Variants in TRPS1 observed in about 807,000 individuals in gnomAD.
The protein encoded by TRPS1 is transcriptional repressor GATA binding 1, also known as zinc finger transcription factor Trps1.
Under a neutral mutation model 101.2 loss-of-function variants are expected in TRPS1, and 6 were observed. The observed-to-expected ratio is 0.06, with a 90% CI of 0.03 to 0.12. TRPS1 has a LOEUF of 0.12. Among genes scored for constraint, TRPS1 ranks in the 10% least tolerant of loss-of-function variants. The pLI is 1.00. For synonymous variants in TRPS1, 578 were observed against 589.8 expected, an observed-to-expected ratio of 0.98 and a Z score of 0.29; for missense variants, 1,363 against 1,567.0, an observed-to-expected ratio of 0.87 and a Z score of 2.20.
intron 5 of TRPS1, among the ~76,000 whole-genome samples, chr8:115,564,240 TC>T (rs1817014180): frequency 1.3e-5 from 2 of 152,144 alleles, no homozygotes; most frequent in Admixed American, 1.3e-4. Flanking sequence ...AACTATGCTT[TC>T]TTGACTCAAT....
chr8:115,607,031 C>T (rs187864122), intron 3 of TRPS1, among the ~76,000 whole-genome samples: 1 of 152,124 alleles, frequency 6.6e-6, no homozygotes, highest in Admixed American at 6.5e-5. Flanking sequence ...TTATAAAATG[C>T]TTTGAACTTC....
intron 2 of TRPS1, among the ~76,000 whole-genome samples, chr8:115,623,234 A>G (rs1818435621): frequency 6.6e-6 from 1 of 152,052 alleles, no homozygotes; most frequent in Admixed American, 6.6e-5. Flanking sequence ...AACTTCAAAG[A>G]AATCTCTGAA....
Position 115,470,735 on chromosome 8 carries a change from A to C in TRPS1, c.2701-52283T>G, listed in dbSNP as rs1456922860. 7.2e-5 allele frequency among the ~76,000 whole-genome samples: 11 copies of C among 152,252 alleles called. No homozygotes were observed. The East Asian group carries it at 2.1e-3, about 29-fold the overall frequency. The stretch of plus-strand genomic sequence containing the variant: ...TAACCAAATGGATAAAGGGGGCTGC[A>C]AAATTAAAGTTAGAAACTAACATAT... On this transcript the variant is annotated intron_variant, in intron 5 of 6. Transcript: ENST00000395715.
At chr8:115,653,264 T>C (rs1013796064) in intron 1 of TRPS1, among the ~76,000 whole-genome samples, 2 of 152,124 alleles carry the variant, frequency 1.3e-5, no homozygotes, top group African/African-American at 2.4e-5. Context: ...TATGGTTCTA[T>C]AAGGTATACA....
At chr8:115,562,148 A>T (rs530051416) in intron 5 of TRPS1, among the ~76,000 whole-genome samples, 7 of 152,180 alleles carry the variant, frequency 4.6e-5, no homozygotes, top group Admixed American at 1.3e-4. Flanking sequence ...GTATAATTTC[A>T]CCCTCTTAAC....
intron 1 of TRPS1, among the ~76,000 whole-genome samples, chr8:115,646,572 T>TA (rs537289617): frequency 3.4e-3 from 521 of 152,266 alleles, no homozygotes; most frequent in Non-Finnish European, 6.0e-3. Context: ...ACTGAAGTAA[T>TA]AAGTATGCCC....
At chr8:115,457,302 C>T (rs905195752) in intron 5 of TRPS1, among the ~76,000 whole-genome samples, 4 of 152,002 alleles carry the variant, frequency 2.6e-5, no homozygotes, top group Admixed American at 6.6e-5. Flanking sequence ...ATCCAACATA[C>T]GCTACAACAT....
chr8:115,606,655 C>G (rs1223977488), intron 3 of TRPS1, among the ~76,000 whole-genome samples: 5 of 151,986 alleles, frequency 3.3e-5, no homozygotes, highest in African/African-American at 1.2e-4. Context: ...AAGGATACAG[C>G]ACAGAACACT....
chr8:115,549,344 CAA>C (rs1816650305), intron 5 of TRPS1, among the ~76,000 whole-genome samples: 1 of 152,130 alleles, frequency 6.6e-6, no homozygotes, highest in Admixed American at 6.5e-5. Context: ...ATAATTGTAA[CAA>C]GAGTCAATAT....
At chr8:115,535,242 T>TAGCATATATAG (rs1816268054) in intron 5 of TRPS1, among the ~76,000 whole-genome samples, 1 of 72,714 alleles carries the variant, frequency 1.4e-5, no homozygotes, top group Non-Finnish European at 2.7e-5. Context: ...ATAGCATATA[T>TAGCATATATAG]AGCATATATA....
intron 5 of TRPS1, among the ~76,000 whole-genome samples, chr8:115,500,907 T>C (rs1283271701): frequency 6.6e-6 from 1 of 152,186 alleles, no homozygotes; most frequent in African/African-American, 2.4e-5. Flanking sequence ...AGTCCAGCGA[T>C]GGCATCTATT....
At chr8:115,457,267 T>A (rs972603443) in intron 5 of TRPS1, among the ~76,000 whole-genome samples, 2 of 152,124 alleles carry the variant, frequency 1.3e-5, no homozygotes, top group African/African-American at 2.4e-5. Flanking sequence ...AATAGAATAT[T>A]ATACAGCCTT....
At chr8:115,510,274 A>C (rs2130182520) in intron 5 of TRPS1, among the ~76,000 whole-genome samples, 1 of 152,110 alleles carries the variant, frequency 6.6e-6, no homozygotes, top group Non-Finnish European at 1.5e-5. Context: ...AGCCATATAA[A>C]CATATATTCC....
At chr8:115,480,975 A>G (rs1814738150) in intron 5 of TRPS1, among the ~76,000 whole-genome samples, 1 of 152,144 alleles carries the variant, frequency 6.6e-6, no homozygotes, top group African/African-American at 2.4e-5. Context: ...ATACTTTAGG[A>G]GAAAATATTA....
chr8:115,431,101 C>T (rs564809247), intron 5 of TRPS1, among the ~76,000 whole-genome samples: 18 of 152,116 alleles, frequency 1.2e-4, no homozygotes, highest in Admixed American at 3.3e-4. Context: ...AATTCACATA[C>T]ATACTCAGTT....
At chr8:115,657,790 C>T (rs564546073) in intron 1 of TRPS1, among the ~76,000 whole-genome samples, 36 of 152,012 alleles carry the variant, frequency 2.4e-4, no homozygotes, top group East Asian at 7.7e-4. Context: ...TTCCATGCAA[C>T]GCATTTCCAC....
At chr8:115,603,824 C>G (rs759944086) in intron 4 of TRPS1, 49 bp downstream of exon 4, 1 of 1,604,708 alleles carries the variant, frequency 6.2e-7, no homozygotes, top group Admixed American at 1.7e-5. Flanking sequence ...TGGATTTTTT[C>G]TATTATTTTA....
chr8:115,650,558 G>A (rs1811536348), intron 1 of TRPS1, among the ~76,000 whole-genome samples: 1 of 151,716 alleles, frequency 6.6e-6, no homozygotes, highest in Non-Finnish European at 1.5e-5. Flanking sequence ...TAAATCAAAG[G>A]GACTTCCCAA....
intron 5 of TRPS1, among the ~76,000 whole-genome samples, chr8:115,426,804 GT>G (rs1411473558): frequency 1.3e-5 from 2 of 152,160 alleles, no homozygotes; most frequent in Non-Finnish European, 2.9e-5. Context: ...AGATCCCAAG[GT>G]TAAGAACTCC....
Sources: gnomAD v4.1 joint callset for allele counts (sites outside exome capture counted in the v4.1 genomes callset) on GRCh38, gnomAD v4.1.1 for gene constraint, MANE v1.5 for transcripts, NCBI Gene and HGNC (gene_info 2026-07-23, HGNC 2026-07-21) for gene names.